Variants in TULP2 observed in about 807,000 individuals in gnomAD.
The protein encoded by TULP2 is TUB like protein 2.
Under a neutral mutation model 60.3 loss-of-function variants are expected in TULP2, and 64 were observed. The ratio of observed to expected loss-of-function variants is 1.06; its 90% CI spans 0.87 to 1.31. The LOEUF (loss-of-function observed/expected upper bound fraction) is 1.31. Among genes scored for constraint, TULP2 ranks in the 50% most tolerant of loss-of-function variants. The pLI is 0.00. For synonymous variants in TULP2, 267 were observed against 265.4 expected (o/e 1.01, Z -0.06); for missense variants, 652 against 667.0 (o/e 0.98, Z 0.25).
At chr19:48,887,076 G>A (rs1375214640) in intron 8 of TULP2, among the ~76,000 whole-genome samples, 1 of 143,136 alleles carries the variant, frequency 7.0e-6, no homozygotes, top group Non-Finnish European at 1.5e-5. Flanking sequence ...AGTGGTGTGA[G>A]ATCTCAGCTC....
Position 48,897,692 on chromosome 19 carries a change from C to T in TULP2, c.32+145G>A, listed in dbSNP as rs575158045. ...AGTCTGCACCCTAGCCCCATCCCTT[C>T]AGGACACAGGAGTCCAGGTCCCCAG... On this transcript the variant is annotated intron_variant, in intron 2 of 12. Coordinates refer to ENST00000221399, the MANE Select transcript of TULP2 (RefSeq NM_003323.3). The surrounding 1 kb of genome is among the most constrained non-coding windows in gnomAD (Gnocchi z 4.0). The T allele has an allele frequency of 3.1e-6, 3 of 981,996 alleles. No homozygotes were observed. The highest frequency in any genetic ancestry group is 1.6e-5 in the African/African-American group (1 of 61,806). The allele number at this position is 981,996 out of a possible 1,614,324, so 60.8% of individuals were successfully genotyped here.
Position 48,892,108 on chromosome 19 carries a change from C to T in TULP2, c.515-2477G>A, listed in dbSNP as rs141687583. 1.4e-3 allele frequency among the ~76,000 whole-genome samples: 211 copies of T among 152,300 alleles called. 1 individual carries two copies. Among genetic ancestry groups the T allele is most frequent in the African/African-American group, 4.9e-3 (203 of 41,580 alleles). On this transcript the variant is annotated intron_variant, in intron 6 of 12. Coordinates refer to ENST00000221399, the MANE Select transcript of TULP2 (RefSeq NM_003323.3). ...GAGACGTGCAGGAGACAGATGCCTC[C>T]TTCTTATCTTAACCGCATGGAGGCC...
At chr19:48,898,408 TCCAGCAC>T (rs1333722991) in intron 1 of TULP2, 175 bp downstream of exon 1, 2 of 150,590 alleles carry the variant, frequency 1.3e-5, no homozygotes, top group Admixed American at 6.7e-5. Flanking sequence ...TATCTAATTC[TCCAGCAC>T]CCAGGCATCA....
rs547726337 is a variant in TULP2 at position 48,889,293 on chromosome 19, T to C, written c.636+217A>G. Among the ~76,000 whole-genome samples, 178 of 152,282 alleles carry C rather than the reference T, an allele frequency of 1.2e-3. 1 individual carries two copies. Among genetic ancestry groups the C allele is most frequent in the African/African-American group, 4.2e-3 (176 of 41,572 alleles). On this transcript the variant is annotated intron_variant, in intron 7 of 12. Coordinates refer to ENST00000221399, the MANE Select transcript of TULP2 (RefSeq NM_003323.3). Reference sequence around the variant, plus strand: ...ACCATAAGCTGTATTTTAATGGCCATGTCCATGTCAAGTCAAATCCTCTGA... The same window carrying C: ...ACCATAAGCTGTATTTTAATGGCCACGTCCATGTCAAGTCAAATCCTCTGA...
chr19:48,888,113 C>G lies in TULP2; in HGVS notation c.785G>C (p.Arg262Pro). ...HMRHEASLAIRSPCPGLEEDM... is the reference protein window; with the variant it reads ...HMRHEASLAIPSPCPGLEEDM... ...CTCCTCCAGCCCAGGGCAGGGGGAG[C>G]GGATTGCCAAGGAGGCTTCGTGCCT... The change falls in exon 8 of 13, where the codon CGC becomes CCC. Residue 262 changes from arginine (R) to proline (P), a missense_variant. Physicochemically the swap from Arg to Pro is moderately radical, Grantham distance 103. Coordinates refer to ENST00000221399, the MANE Select transcript of TULP2 (RefSeq NM_003323.3). 1.2e-6 allele frequency: 2 copies of G among 1,614,196 alleles called. No homozygotes were observed. Among genetic ancestry groups the G allele is most frequent in the Non-Finnish European group, 1.7e-6 (2 of 1,180,026 alleles).
intron 1 of TULP2, among the ~76,000 whole-genome samples, 188 bp from the exon 2 acceptor site, chr19:48,898,057 C>T (rs1568579743): frequency 6.6e-6 from 1 of 152,022 alleles, no homozygotes; most frequent in Non-Finnish European, 1.5e-5. Context: ...CTGCAACCTC[C>T]ACCTCCTGGG....
In TULP2 at chr19:48,888,072, C is replaced by T. The variant is rs773165812; in HGVS notation, c.826G>A (p.Val276Met). The change falls in exon 8 of 13, where the codon GTG becomes ATG. Residue 276 changes from valine (V) to methionine (M), a missense_variant. Val to Met is a conservative substitution (Grantham distance 21, BLOSUM62 1). Coordinates refer to ENST00000221399, the MANE Select transcript of TULP2 (RefSeq NM_003323.3). ...PGLEEDMEAY[V>M]LRPALPGTMM... ...GTGCCCGGGAGCGCTGGCCGCAGCA[C>T]GTAGGCTTCCATGTCCTCCTCCAGC... 1.8e-4 allele frequency: 284 copies of T among 1,614,088 alleles called. No individual in the cohort carries two copies. The highest frequency in any genetic ancestry group is 8.2e-4 in the Middle Eastern group (5 of 6,084).
chr19:48,894,360 G>A (rs547955946), intron 6 of TULP2, among the ~76,000 whole-genome samples: 44 of 151,858 alleles, frequency 2.9e-4, no homozygotes, highest in Non-Finnish European at 5.0e-4. Context: ...AGCTATTTAC[G>A]GGCCAGGCAT....
chr19:48,884,191 C>G (rs2037159683), intron 9 of TULP2, 145 bp from the exon 10 acceptor site: 1 of 689,918 alleles, frequency 1.4e-6, no homozygotes, highest in African/African-American at 1.8e-5. Flanking sequence ...TGGCTGGGCA[C>G]AGGGGCTCAC....
At chr19:48,895,322 G>T in intron 5 of TULP2, 44 bp downstream of exon 5, 1 of 1,603,316 alleles carries the variant, frequency 6.2e-7, no homozygotes, top group Non-Finnish European at 8.5e-7. Flanking sequence ...GTTTTAGTGG[G>T]GACGGAGTTC....
Position 48,889,499 on chromosome 19 carries a change from C to T in TULP2, c.636+11G>A. ...TCTTCCAATATCCTGAGTGATTGTG[C>T]ATTTTCCTACCTTTTGGAAGGCCAA... On this transcript the variant is annotated intron_variant, in intron 7 of 12. Coordinates refer to ENST00000221399, the MANE Select transcript of TULP2 (RefSeq NM_003323.3). 1 of 1,568,454 alleles carries T rather than the reference C, an allele frequency of 6.4e-7. No individual in the cohort carries two copies. The highest frequency in any genetic ancestry group is 8.7e-7 in the Non-Finnish European group (1 of 1,145,472).
rs747505360 is a variant in TULP2 at position 48,885,587 on chromosome 19, G to T, written c.949-27C>A. The T allele has an allele frequency of 4.4e-6, 7 of 1,589,792 alleles. 1 individual carries two copies. The highest frequency in any genetic ancestry group is 2.2e-5 in the South Asian group (2 of 90,596). Reference sequence around the variant, plus strand: ...TATGGATGAGAGGAACAGTCCATTAGAATGGACTTCTGGATGCTGGGTGTG... The same window carrying T: ...TATGGATGAGAGGAACAGTCCATTATAATGGACTTCTGGATGCTGGGTGTG... On this transcript the variant is annotated intron_variant, in intron 8 of 12. Transcript: ENST00000221399.
chr19:48,890,576 T>A (rs2037224010), intron 6 of TULP2, among the ~76,000 whole-genome samples: 1 of 152,144 alleles, frequency 6.6e-6, no homozygotes. Flanking sequence ...CCCACAGGTG[T>A]GGAGGGGCAA....
intron 7 of TULP2, among the ~76,000 whole-genome samples, chr19:48,888,491 T>C (rs576766057): frequency 6.6e-6 from 1 of 152,318 alleles, no homozygotes; most frequent in Non-Finnish European, 1.5e-5. Flanking sequence ...GAAAATTCCT[T>C]TCTGAAAGCA....
chr19:48,892,305 TTA>T (rs1404941338), intron 6 of TULP2, among the ~76,000 whole-genome samples: 1 of 152,200 alleles, frequency 6.6e-6, no homozygotes, highest in Admixed American at 6.5e-5. Flanking sequence ...CCACAGTGTG[TTA>T]TGTTTCTGGT....
At chr19:48,881,543 A>G (rs889315059) in intron 12 of TULP2, among the ~76,000 whole-genome samples, 24 of 151,852 alleles carry the variant, frequency 1.6e-4, no homozygotes, top group African/African-American at 5.3e-4. Flanking sequence ...CACTACACCC[A>G]GCTAATTTTT....
intron 8 of TULP2, 133 bp downstream of exon 8, chr19:48,887,817 C>T: frequency 4.1e-6 from 4 of 984,286 alleles, no homozygotes; most frequent in Non-Finnish European, 5.9e-6. Context: ...TTCAGCCTCC[C>T]AAAGTGCTGG....
At position 48,895,380 on chromosome 19, in the gene TULP2, G is replaced by C. The variant is rs555642218; in HGVS notation, c.335C>G (p.Pro112Arg). 2 of 1,613,802 alleles carry C rather than the reference G, an allele frequency of 1.2e-6. No individual in the cohort carries two copies. Among genetic ancestry groups the C allele is most frequent in the African/African-American group, 1.3e-5 (1 of 75,046 alleles). ...CTCGCAAATACCTGCTTCTGTCCGCGGTGTCGGGAGGCCGCGCTCGCCCCT... is the reference window on the plus strand; with the variant it reads ...CTCGCAAATACCTGCTTCTGTCCGCCGTGTCGGGAGGCCGCGCTCGCCCCT... ...DGRGERGLPT[P>R]RTEAVFRNLG... Residue 112 changes from proline to arginine, a missense_variant, in exon 5 of 13, where the codon CCG (proline) becomes CGG (arginine). Transcript: ENST00000221399.
In TULP2 at chr19:48,883,230, A is replaced by AAAAG. The variant is rs1241221330; in HGVS notation, c.1275+520_1275+523dup. Among the ~76,000 whole-genome samples the AAAAG allele has an allele frequency of 3.0e-4, 46 of 151,986 alleles. 1 individual carries two copies. The highest frequency in any genetic ancestry group is 2.4e-3 in the Admixed American group (36 of 15,254). On this transcript the variant is annotated intron_variant, in intron 11 of 12. Coordinates refer to ENST00000221399, the MANE Select transcript of TULP2 (RefSeq NM_003323.3). ...CAAGACTCTGTCTCAAAAAAAAAAA[A>AAAAG]AAAGAAAGAAAGAGAGAGTCTAAAA...
Sources: gnomAD v4.1 joint callset for allele counts (sites outside exome capture counted in the v4.1 genomes callset) on GRCh38, gnomAD v4.1.1 for gene constraint, Gnocchi (gnomAD v3.1) non-coding constraint, MANE v1.5 for transcripts, NCBI Gene and HGNC (gene_info 2026-07-23, HGNC 2026-07-21) for gene names.